Variants in ANK2 observed in about 807,000 individuals in gnomAD.
ANK2 encodes ankyrin-2.
ANK2 carries 83 observed loss-of-function variants against 360.5 expected under a neutral mutation model. That is an observed-to-expected ratio of 0.23 (90% CI 0.19 to 0.28). ANK2 has a LOEUF of 0.28. ANK2 is among the 10% of genes least tolerant of loss of function. ANK2 has a pLI of 1.00. For missense variants in ANK2, 4,201 were observed against 4,795.7 expected (o/e 0.88, Z 3.66); for synonymous variants, 1,740 against 1,759.5 (o/e 0.99, Z 0.28).
intron 23 of ANK2, among the ~76,000 whole-genome samples, chr4:113,310,150 A>G (rs2079162126): frequency 6.6e-6 from 1 of 152,240 alleles, no homozygotes; most frequent in Non-Finnish European, 1.5e-5. Context: ...TTTGAAATGT[A>G]GGACCCATTT....
intron 24 of ANK2, among the ~76,000 whole-genome samples, chr4:113,316,390 A>G (rs1472319446): frequency 6.6e-6 from 1 of 152,216 alleles, no homozygotes; most frequent in Non-Finnish European, 1.5e-5. Context: ...AATTACCTAC[A>G]AAGTGATGAT....
chr4:113,073,940 C>A (rs1180151085), intron 1 of ANK2, among the ~76,000 whole-genome samples: 6 of 152,130 alleles, frequency 3.9e-5, no homozygotes, highest in Non-Finnish European at 7.3e-5. Flanking sequence ...TTTTTAATAT[C>A]CATTCAACTT....
At chr4:112,971,532 T>A (rs1167205011) in intron 2 of ANK2, among the ~76,000 whole-genome samples, 1 of 152,210 alleles carries the variant, frequency 6.6e-6, no homozygotes, top group African/African-American at 2.4e-5. Flanking sequence ...ATATTGTAAT[T>A]GCTGTTTGAA....
chr4:113,157,126 G>A (rs1219189591), intron 1 of ANK2, among the ~76,000 whole-genome samples: 2 of 151,954 alleles, frequency 1.3e-5, no homozygotes, highest in Non-Finnish European at 2.9e-5. Context: ...CAATTTGGGA[G>A]AGAAAACTTA....
At chr4:112,888,983 G>A (rs970749) in intron 1 of ANK2, among the ~76,000 whole-genome samples, 1 of 152,046 alleles carries the variant, frequency 6.6e-6, no homozygotes, top group African/African-American at 2.4e-5. Context: ...AGAAATCATA[G>A]CACAAACCCC....
intron 1 of ANK2, among the ~76,000 whole-genome samples, chr4:113,058,186 A>T (rs1239290780): frequency 6.6e-6 from 1 of 152,174 alleles, no homozygotes; most frequent in African/African-American, 2.4e-5. Flanking sequence ...GTGCCACTTC[A>T]AAGAACACAC....
chr4:112,830,462 A>C (rs1399835703), intron 1 of ANK2, among the ~76,000 whole-genome samples: 1 of 152,230 alleles, frequency 6.6e-6, no homozygotes, highest in Non-Finnish European at 1.5e-5. Context: ...ACAAATACAC[A>C]TGGACATAAA....
chr4:113,194,844 T>TTTATG (rs2098724950), intron 2 of ANK2, among the ~76,000 whole-genome samples: 3 of 152,286 alleles, frequency 2.0e-5, no homozygotes, highest in Admixed American at 2.0e-4. Context: ...TATCAATGAC[T>TTTATG]TATCAATAGT....
At chr4:112,747,865 A>G in the ANK2 span, among the ~76,000 whole-genome samples, 2 of 152,184 alleles carry the variant, frequency 1.3e-5, no homozygotes, top group East Asian at 1.9e-4. Context: ...TGAATATGTG[A>G]TAACTGCTGG....
chr4:112,906,495 CAGA>C (rs904068034), intron 2 of ANK2, among the ~76,000 whole-genome samples: 2 of 151,876 alleles, frequency 1.3e-5, no homozygotes, highest in Admixed American at 1.3e-4. Flanking sequence ...GGGAACAGTG[CAGA>C]AGAAGGAGAG....
intron 2 of ANK2, among the ~76,000 whole-genome samples, chr4:113,009,328 T>G (rs917692920): frequency 6.6e-6 from 1 of 152,184 alleles, no homozygotes; most frequent in African/African-American, 2.4e-5. Context: ...TAAATATATA[T>G]TCACTATTTT....
intron 24 of ANK2, among the ~76,000 whole-genome samples, chr4:113,317,239 A>G (rs2083400393): frequency 6.6e-6 from 1 of 152,196 alleles, no homozygotes; most frequent in African/African-American, 2.4e-5. Flanking sequence ...GAGAGAATGG[A>G]AAATAATAAG....
chr4:113,305,319 G>A (rs1010790512), intron 23 of ANK2, among the ~76,000 whole-genome samples: 3 of 110,052 alleles, frequency 2.7e-5, no homozygotes, highest in Admixed American at 2.6e-4. Flanking sequence ...CAGCCTGGGC[G>A]ACAGAGCGAG....
intron 12 of ANK2, 52 bp downstream of exon 12, chr4:113,258,200 T>C: frequency 1.3e-6 from 2 of 1,578,302 alleles, no homozygotes; most frequent in Non-Finnish European, 1.7e-6. Flanking sequence ...TACTCCTTCC[T>C]CCCTTTCCTT....
intron 1 of ANK2, among the ~76,000 whole-genome samples, chr4:113,141,719 G>A (rs1197928274): frequency 6.6e-6 from 1 of 152,092 alleles, no homozygotes; most frequent in Non-Finnish European, 1.5e-5. Flanking sequence ...GTTTCCTGAT[G>A]GTTCTGTAAT....
At chr4:113,022,921 T>C (rs2058480740) in intron 2 of ANK2, among the ~76,000 whole-genome samples, 2 of 152,160 alleles carry the variant, frequency 1.3e-5, no homozygotes, top group Admixed American at 6.5e-5. Flanking sequence ...ATTAAATGTT[T>C]GGATTGATTT....
chr4:113,352,931 C>T lies in ANK2; in HGVS notation c.4427-114C>T, dbSNP rs754670216. On this transcript the variant is annotated intron_variant, in intron 37 of 45. Coordinates refer to ENST00000357077, the MANE Select transcript of ANK2 (RefSeq NM_001148.6). ...CCATTCCCAGCCCATTTTGTTGCCC[C>T]TCCCACCACCACCACCACAGGAAAA... The T allele has an allele frequency of 2.4e-4, 298 of 1,264,956 alleles. 1 individual carries two copies. Among genetic ancestry groups the T allele is most frequent in the Middle Eastern group, 1.1e-3 (4 of 3,658 alleles). 78.4% of individuals were successfully genotyped at this position (1,264,956 alleles called of 1,614,324 possible). A position where few individuals can be genotyped will look rare whatever the true frequency, so the allele number is the denominator to read the frequency against.
chr4:112,784,492 T>A, the ANK2 span, among the ~76,000 whole-genome samples: 1 of 150,798 alleles, frequency 6.6e-6, no homozygotes, highest in Non-Finnish European at 1.5e-5. Context: ...TACCGGCGCC[T>A]GCCACCACTC....
chr4:112,759,758 A>G, the ANK2 span, among the ~76,000 whole-genome samples: 1 of 152,190 alleles, frequency 6.6e-6, no homozygotes, highest in African/African-American at 2.4e-5. Flanking sequence ...GGCTGTATAC[A>G]TTGTAGAGGA....
Sources: allele counts gnomAD v4.1 joint callset (sites outside exome capture counted in the v4.1 genomes callset), GRCh38; gene constraint gnomAD v4.1.1; transcripts MANE v1.5; gene names NCBI Gene and HGNC (gene_info 2026-07-23, HGNC 2026-07-21).